Variants in PCSK5 observed in about 807,000 individuals in gnomAD.
PCSK5 encodes the protein proprotein convertase subtilisin/kexin type 5.
PCSK5 carries 129 observed loss-of-function variants against 233.2 expected under a neutral mutation model. That is an observed-to-expected ratio of 0.55 (90% CI 0.48 to 0.64). PCSK5 has a LOEUF of 0.64. Among genes scored for constraint, PCSK5 ranks in the 30% least tolerant of loss-of-function variants. The pLI is 0.00. For synonymous variants in PCSK5, 825 were observed against 879.2 expected (o/e 0.94, Z 1.09); for missense variants, 2,076 against 2,430.1 (o/e 0.85, Z 3.06).
chr9:76,043,124 A>C (rs1396739432), intron 5 of PCSK5, among the ~76,000 whole-genome samples: 2 of 152,132 alleles, frequency 1.3e-5, no homozygotes, highest in African/African-American at 4.8e-5. Context: ...AGGCGGGCGG[A>C]TCACAGGGTC....
intron 1 of PCSK5, among the ~76,000 whole-genome samples, chr9:75,909,024 C>G (rs766768877): frequency 6.6e-6 from 1 of 151,262 alleles, no homozygotes; most frequent in Non-Finnish European, 1.5e-5. Flanking sequence ...TAATAATCCC[C>G]CTAAACATAG....
At chr9:75,952,542 A>C (rs1824909250) in intron 2 of PCSK5, among the ~76,000 whole-genome samples, 1 of 152,186 alleles carries the variant, frequency 6.6e-6, no homozygotes, top group African/African-American at 2.4e-5. Flanking sequence ...TAGTTGTGTA[A>C]CTACTACCAC....
chr9:76,162,918 C>A (rs1047954539), intron 12 of PCSK5, among the ~76,000 whole-genome samples: 9 of 152,166 alleles, frequency 5.9e-5, no homozygotes, highest in African/African-American at 2.2e-4. Context: ...TGAAGCAGCT[C>A]CTCTGCTCCA....
At chr9:76,234,192 C>T (rs1246236374) in intron 22 of PCSK5, among the ~76,000 whole-genome samples, 1 of 152,104 alleles carries the variant, frequency 6.6e-6, no homozygotes, top group African/African-American at 2.4e-5. Flanking sequence ...GGGCCAGATT[C>T]ATATTTTATT....
chr9:75,991,100 G>A (rs1302143397), intron 3 of PCSK5, among the ~76,000 whole-genome samples: 2 of 152,136 alleles, frequency 1.3e-5, no homozygotes, highest in Non-Finnish European at 2.9e-5. Flanking sequence ...TCATTTTATA[G>A]ATGAGGAAAT....
intron 9 of PCSK5, among the ~76,000 whole-genome samples, chr9:76,120,702 A>T (rs751479064): frequency 1.3e-5 from 2 of 151,206 alleles, no homozygotes; most frequent in Non-Finnish European, 1.5e-5. Context: ...TCCAGAATAT[A>T]TTCATAGCAT....
chr9:75,902,626 G>A (rs1161627641), intron 1 of PCSK5, among the ~76,000 whole-genome samples: 2 of 152,178 alleles, frequency 1.3e-5, no homozygotes, highest in East Asian at 3.8e-4. Flanking sequence ...AAGTCTAATG[G>A]GTTGGAAAGA....
chr9:76,075,565 T>C (rs1167677236), intron 7 of PCSK5, among the ~76,000 whole-genome samples: 4 of 152,182 alleles, frequency 2.6e-5, no homozygotes, highest in Non-Finnish European at 5.9e-5. Flanking sequence ...CATTCTTTGA[T>C]AGTATTATCA....
intron 24 of PCSK5, among the ~76,000 whole-genome samples, chr9:76,276,090 C>T (rs1827681276): frequency 6.6e-6 from 1 of 152,180 alleles, no homozygotes; most frequent in Non-Finnish European, 1.5e-5. Flanking sequence ...TCCCTCACCC[C>T]ACACATCTTA....
intron 24 of PCSK5, among the ~76,000 whole-genome samples, chr9:76,261,933 C>T (rs1171950221): frequency 6.6e-6 from 1 of 152,160 alleles, no homozygotes; most frequent in Admixed American, 6.5e-5. Flanking sequence ...TCTAGATATA[C>T]AATCATGTCA....
chr9:76,004,806 C>G (rs755272625), intron 3 of PCSK5, among the ~76,000 whole-genome samples: 8 of 152,150 alleles, frequency 5.3e-5, no homozygotes, highest in Non-Finnish European at 1.0e-4. Context: ...TTCAGTACTT[C>G]TTCCTTTACA....
chr9:76,061,662 A>T (rs1194917378), intron 5 of PCSK5, among the ~76,000 whole-genome samples: 1 of 152,104 alleles, frequency 6.6e-6, no homozygotes, highest in Non-Finnish European at 1.5e-5. Flanking sequence ...TTAAAAATTG[A>T]TCATAGTTTA....
chr9:76,225,739 T>C (rs917338033), intron 20 of PCSK5, among the ~76,000 whole-genome samples: 1 of 152,134 alleles, frequency 6.6e-6, no homozygotes, highest in Non-Finnish European at 1.5e-5. Context: ...TAGATGGAGG[T>C]CACAGCTTTT....
chr9:75,891,188 TG>T lies in PCSK5; in HGVS notation c.12del (p.Ser5AlafsTer58). MG[W>X]GSRCCCPGRL... ...GCAGCGAGGCGCCGGGACCATGGGC[TG>T]GGGGAGCCGCTGCTGCTGCCCGGGA... On this transcript the variant is annotated frameshift_variant, in exon 1 of 38. Transcript: ENST00000674117. LOFTEE classifies it high-confidence loss of function. 6.8e-7 allele frequency: 1 copy of T among 1,476,262 alleles called. No homozygotes were observed. The allele number at this position is 1,476,262 out of a possible 1,614,324, so 91.4% of individuals were successfully genotyped here.
intron 5 of PCSK5, among the ~76,000 whole-genome samples, chr9:76,044,232 T>C (rs1829278462): frequency 6.6e-6 from 1 of 152,204 alleles, no homozygotes; most frequent in South Asian, 2.1e-4. Flanking sequence ...CTTGAGATTT[T>C]AAAAATCAGG....
intron 9 of PCSK5, among the ~76,000 whole-genome samples, chr9:76,114,842 C>G (rs1009074393): frequency 1.3e-5 from 2 of 152,042 alleles, no homozygotes; most frequent in Non-Finnish European, 2.9e-5. Flanking sequence ...TTTCAAGTGT[C>G]AAATGTTGGA....
chr9:76,261,696 T>C lies in PCSK5; in HGVS notation c.3142+21012T>C, dbSNP rs997310632. Among the ~76,000 whole-genome samples, 8 of 152,350 alleles carry C rather than the reference T, an allele frequency of 5.3e-5. No individual in the cohort carries two copies. In the South Asian group the frequency reaches 6.2e-4, roughly 12 times the overall value. Reference sequence around the variant, plus strand: ...TTTTATTTCACTGAGCAGTGGTTTGTAGTTCTCCTTGAAGAGGTCCTTCAC... The same window carrying C: ...TTTTATTTCACTGAGCAGTGGTTTGCAGTTCTCCTTGAAGAGGTCCTTCAC... On this transcript the variant is annotated intron_variant, in intron 24 of 37. Transcript: ENST00000674117.
intron 3 of PCSK5, among the ~76,000 whole-genome samples, chr9:76,020,803 A>G (rs935522316): frequency 6.6e-6 from 1 of 152,134 alleles, no homozygotes; most frequent in Non-Finnish European, 1.5e-5. Context: ...CGGTTATCCC[A>G]TTTGTGGGTT....
At chr9:76,001,798 T>C (rs78516551) in intron 3 of PCSK5, among the ~76,000 whole-genome samples, 2,202 of 152,258 alleles carry the variant, frequency 0.014, 44 homozygotes, top group African/African-American at 0.049. Flanking sequence ...CATTTCTAAT[T>C]GTAGAATTTT....
Sources: gnomAD v4.1 joint callset for allele counts (sites outside exome capture counted in the v4.1 genomes callset) on GRCh38, gnomAD v4.1.1 for gene constraint, MANE v1.5 for transcripts, NCBI Gene and HGNC (gene_info 2026-07-23, HGNC 2026-07-21) for gene names.